ZNF34: variants seen among roughly 807,000 people sequenced by gnomAD.
ZNF34 encodes zinc finger protein 34 (KOX 32).
Under a neutral mutation model 14.4 loss-of-function variants are expected in ZNF34, and 8 were observed. That is an observed-to-expected ratio of 0.55 (90% CI 0.33 to 1.00). ZNF34 has a LOEUF of 1.00. Ranked by LOEUF, ZNF34 falls within the 50% of genes least tolerant of loss-of-function variation. The probability of loss-of-function intolerance (pLI) is 0.03; values close to 1 mark genes in which losing one functional copy is unlikely to be tolerated. For missense variants in ZNF34, 538 were observed against 674.2 expected (o/e 0.80, Z 2.24); for synonymous variants, 235 against 247.9 (o/e 0.95, Z 0.49).
chr8:144,773,181 A>C lies in ZNF34; in HGVS notation c.*85T>G, dbSNP rs1825265325. ...TTCACTCTGTGAAAACATCGTGTGG[A>C]TAATACATAAAGGGCAGAGTCAGGT... On this transcript the variant is annotated 3_prime_UTR_variant, in exon 6 of 6. Coordinates refer to ENST00000429371, the MANE Select transcript of ZNF34 (RefSeq NM_001286769.2). This position sits in a 1 kb window ranked among gnomAD's most constrained non-coding sequence, Gnocchi z 5.4. The C allele has an allele frequency of 7.2e-7, 1 of 1,388,850 alleles. No homozygotes were observed. The highest frequency in any genetic ancestry group is 2.6e-5 in the Admixed American group (1 of 37,964). The allele number at this position is 1,388,850 out of a possible 1,614,324, so 86.0% of individuals were successfully genotyped here.
chr8:144,773,290 G>A lies in ZNF34; in HGVS notation c.1596C>T (p.His532=), dbSNP rs1230979569. 6.2e-7 allele frequency: 1 copy of A among 1,610,570 alleles called. No individual in the cohort carries two copies. The highest frequency in any genetic ancestry group is 1.6e-4 in the Middle Eastern group (1 of 6,072). The part of the protein sequence containing the change: ...SSNMCQHQRI[H]LREDFSM The stretch of plus-strand genomic sequence containing the variant: ...GTTACATGGAGAAGTCCTCCCGGAG[G>A]TGAATCCGCTGATGCTGACACATGT... The change falls in exon 6 of 6, where the codon CAC becomes CAT. Residue 532 remains histidine (H), a synonymous_variant. Transcript: ENST00000429371. The surrounding 1 kb of genome is among the most constrained non-coding windows in gnomAD (Gnocchi z 5.4).
Position 144,774,231 on chromosome 8 carries a change from CTTT to C in ZNF34, c.652_654del (p.Lys218del), listed in dbSNP as rs3830702. The stretch of plus-strand genomic sequence containing the variant: ...TTCCCAGTAGGAATTTTCTGATCTT[CTTT>C]AACAACTAAGTTTGCACTGAAGATT... On this transcript the variant is annotated inframe_deletion, in exon 6 of 6. Transcript: ENST00000429371. 159,141 of 1,613,816 alleles carry C rather than the reference CTTT, an allele frequency of 0.099. 11,348 individuals are homozygous for C. The highest frequency in any genetic ancestry group is 0.42 in the East Asian group (18,823 of 44,864).
At chr8:144,782,719 C>A (rs1030626450) in intron 1 of ZNF34, among the ~76,000 whole-genome samples, 15 of 150,992 alleles carry the variant, frequency 9.9e-5, no homozygotes, top group African/African-American at 3.4e-4. Context: ...TGCCTGTAGT[C>A]CCAGCTACTT....
Position 144,774,509 on chromosome 8 carries a change from T to G in ZNF34, c.377A>C (p.His126Pro), listed in dbSNP as rs1289967490. 1 of 1,614,008 alleles carries G rather than the reference T, an allele frequency of 6.2e-7. No homozygotes were observed. Among genetic ancestry groups the G allele is most frequent in the Non-Finnish European group, 8.5e-7 (1 of 1,179,894 alleles). Residue 126 changes from histidine (H) to proline (P), a missense_variant, in exon 6 of 6, where the codon CAC becomes CCC. Coordinates refer to ENST00000429371, the MANE Select transcript of ZNF34 (RefSeq NM_001286769.2). ...QGSEPVEACD[H>P]ISKSEGSLEK... Reference sequence around the variant, plus strand: ...CAGGCTCCCCTCTGACTTACTGATGTGGTCACAGGCTTCTACTGGCTCAGA... The same window carrying G: ...CAGGCTCCCCTCTGACTTACTGATGGGGTCACAGGCTTCTACTGGCTCAGA...
Position 144,774,383 on chromosome 8 carries a change from A to T in ZNF34, c.503T>A (p.Val168Asp). 1 of 1,613,512 alleles carries T rather than the reference A, an allele frequency of 6.2e-7. No homozygotes were observed. The change falls in exon 6 of 6, where the codon GTT becomes GAT. Residue 168 changes from valine to aspartate, a missense_variant. Coordinates refer to ENST00000429371, the MANE Select transcript of ZNF34 (RefSeq NM_001286769.2). Reference sequence around the variant, plus strand: ...ACATTTGTGAGGTCTCTGATCAGGAACAGGTCTTGACAGCAACCTGAGGTT... The same window carrying T: ...ACATTTGTGAGGTCTCTGATCAGGATCAGGTCTTGACAGCAACCTGAGGTT... ...GGNLRLLSRP[V>D]PDQRPHKCDI...
At position 144,773,081 on chromosome 8, in the gene ZNF34, T is replaced by C; in HGVS notation, c.*185A>G. 1.3e-5 allele frequency: 8 copies of C among 631,232 alleles called. No individual in the cohort carries two copies. The highest frequency in any genetic ancestry group is 2.0e-5 in the Non-Finnish European group (8 of 407,902). 39.1% of individuals were successfully genotyped at this position (631,232 alleles called of 1,614,324 possible). On this transcript the variant is annotated 3_prime_UTR_variant, in exon 6 of 6. Transcript: ENST00000429371. This position sits in a 1 kb window ranked among gnomAD's most constrained non-coding sequence, Gnocchi z 5.4. Reference sequence around the variant, plus strand: ...GAAGCTTCTTTTTTGCCCACTTTTCTGTCTCAATTTCTCTAAAATGAACAT... The same window carrying C: ...GAAGCTTCTTTTTTGCCCACTTTTCCGTCTCAATTTCTCTAAAATGAACAT...
At position 144,773,431 on chromosome 8, in the gene ZNF34, G is replaced by A. The variant is rs768165741; in HGVS notation, c.1455C>T (p.Ser485=). ...TCTGGCTGAAGGCTTTCTTGCAATC[G>A]CTGCATCTGTAGGGTTTCTCTCCGT... ...LHHGEKPYRC[S]DCKKAFSQST... is the part of the protein sequence containing the mutation. Residue 485 remains serine, a synonymous_variant, in exon 6 of 6, where the codon AGC becomes AGT. Coordinates refer to ENST00000429371, the MANE Select transcript of ZNF34 (RefSeq NM_001286769.2). This position sits in a 1 kb window ranked among gnomAD's most constrained non-coding sequence, Gnocchi z 5.4. 13 of 1,612,516 alleles carry A rather than the reference G, an allele frequency of 8.1e-6. No individual in the cohort carries two copies. Among genetic ancestry groups the A allele is most frequent in the East Asian group, 2.2e-5 (1 of 44,818 alleles).
rs200105852 is a variant in ZNF34, at chr8:144,773,769, T to C, written c.1117A>G (p.Lys373Glu). 1 of 1,614,136 alleles carries C rather than the reference T, an allele frequency of 6.2e-7. No homozygotes were observed. The highest frequency in any genetic ancestry group is 2.2e-5 in the East Asian group (1 of 44,888). The change falls in exon 6 of 6, where the codon AAG (lysine) becomes GAG (glutamate). Residue 373 changes from lysine (K) to glutamate (E), a missense_variant. Transcript: ENST00000429371. The surrounding 1 kb of genome is among the most constrained non-coding windows in gnomAD (Gnocchi z 5.4). ...THTGEKPFEC[K>E]ECGKGFTQSS... ...TGTGTAAAGCCTTTGCCACATTCCTTGCACTCAAATGGCTTCTCTCCGGTG... is the reference window on the plus strand; with the variant it reads ...TGTGTAAAGCCTTTGCCACATTCCTCGCACTCAAATGGCTTCTCTCCGGTG...
At chr8:144,785,998 T>C (rs1306303670) in intron 1 of ZNF34, among the ~76,000 whole-genome samples, 2 of 148,512 alleles carry the variant, frequency 1.3e-5, no homozygotes, top group African/African-American at 2.5e-5. Flanking sequence ...TTTTTTTTTT[T>C]TTTTGAGACG....
rs928849859 is a variant in ZNF34 at position 144,774,907 on chromosome 8, C to T, written c.281-302G>A. On this transcript the variant is annotated intron_variant, in intron 5 of 5. Coordinates refer to ENST00000429371, the MANE Select transcript of ZNF34 (RefSeq NM_001286769.2). ...CCCAAGTGGGGTCCTGCCACATGGC[C>T]GCTCAGAGACTGATACCAGCAGCCA... 5.8e-4 allele frequency among the ~76,000 whole-genome samples: 88 copies of T among 152,296 alleles called. 1 individual carries two copies. Among genetic ancestry groups the T allele is most frequent in the Non-Finnish European group, 8.8e-5 (6 of 68,026 alleles).
rs1192859339 is a variant in ZNF34, at chr8:144,774,529, C to T, written c.357G>A (p.Glu119=). The T allele has an allele frequency of 1.7e-5, 28 of 1,613,986 alleles. No individual in the cohort carries two copies. Among genetic ancestry groups the T allele is most frequent in the Non-Finnish European group, 2.3e-5 (27 of 1,179,900 alleles). ...TGATGTGGTCACAGGCTTCTACTGG[C>T]TCAGATCCCTGGGGATCTTCCTCAC... is the stretch of plus-strand genomic sequence containing the variant. ...TFGEEDPQGS[E]PVEACDHISK... Residue 119 remains glutamate, a synonymous_variant, in exon 6 of 6, where the codon GAG becomes GAA. Coordinates refer to ENST00000429371, the MANE Select transcript of ZNF34 (RefSeq NM_001286769.2).
intron 2 of ZNF34, among the ~76,000 whole-genome samples, chr8:144,778,779 C>A (rs554957264): frequency 6.6e-6 from 1 of 151,918 alleles, no homozygotes; most frequent in Non-Finnish European, 1.5e-5. Context: ...GTTGCCCAGG[C>A]TAGAGGACAG....
rs560117814 is a variant in ZNF34, at chr8:144,780,548, G to C, written c.-107-268C>G. On this transcript the variant is annotated intron_variant, in intron 1 of 5. Transcript: ENST00000429371. The stretch of plus-strand genomic sequence containing the variant: ...CACGCCTGCAATCCCAGCACTTTGG[G>C]AGGCTGAGGCGGGTGGATCACCTGA... Among the ~76,000 whole-genome samples the C allele has an allele frequency of 2.0e-5, 3 of 152,340 alleles. 1 individual carries two copies. The South Asian group carries it at 6.2e-4, about 32-fold the overall frequency.
rs1413733311 is a variant in ZNF34 at position 144,777,013 on chromosome 8, TAGTGAGATTCAGGGTGATG to T, written c.280+426_280+444del. Among the ~76,000 whole-genome samples the T allele has an allele frequency of 1.3e-5, 2 of 151,840 alleles. No individual in the cohort carries two copies. The highest frequency in any genetic ancestry group is 2.9e-5 in the Non-Finnish European group (2 of 68,012). ...ATACTACAACACAACTATGTCTGGG[TAGTGAGATTCAGGGTGATG>T]TGTAGTCTCTCACTTTTCCGCAGTG... On this transcript the variant is annotated intron_variant, in intron 5 of 5. Transcript: ENST00000429371. This position sits in a 1 kb window ranked among gnomAD's most constrained non-coding sequence, Gnocchi z 4.8.
At chr8:144,775,079 C>T (rs372164892) in intron 5 of ZNF34, among the ~76,000 whole-genome samples, 160 of 152,340 alleles carry the variant, frequency 1.1e-3, no homozygotes, top group African/African-American at 3.6e-3. Flanking sequence ...ACAGACTGAC[C>T]ATGAAGCACT....
chr8:144,784,166 A>C (rs1272852250), intron 1 of ZNF34, among the ~76,000 whole-genome samples: 1 of 151,810 alleles, frequency 6.6e-6, no homozygotes, highest in Non-Finnish European at 1.5e-5. Context: ...TCTCCAGAAA[A>C]AAAAAAAAAA....
At position 144,773,926 on chromosome 8, in the gene ZNF34, C is replaced by T. The variant is rs1176734563; in HGVS notation, c.960G>A (p.Gly320=). 6.2e-6 allele frequency: 10 copies of T among 1,613,948 alleles called. No individual in the cohort carries two copies. The highest frequency in any genetic ancestry group is 1.6e-4 in the Middle Eastern group (1 of 6,084). Residue 320 remains glycine, a synonymous_variant, in exon 6 of 6, where the codon GGG becomes GGA. Transcript: ENST00000429371. The surrounding 1 kb of genome is among the most constrained non-coding windows in gnomAD (Gnocchi z 5.4). ...GEKPYKCGEC[G]KHFSAYSSLI... is the part of the protein sequence containing the mutation. ...GGGAAGAGTAGGCGCTAAAGTGCTT[C>T]CCACACTCCCCACACTTGTAGGGTT...
chr8:144,775,945 G>T (rs977437500), intron 5 of ZNF34, among the ~76,000 whole-genome samples: 1 of 152,218 alleles, frequency 6.6e-6, no homozygotes, highest in Non-Finnish European at 1.5e-5. Flanking sequence ...CACTTGCACT[G>T]AAGACATGAC....
At position 144,774,539 on chromosome 8, in the gene ZNF34, T is replaced by C. The variant is rs770975536; in HGVS notation, c.347A>G (p.Gln116Arg). ...SQETFGEEDP[Q>R]GSEPVEACDH... ...ACAGGCTTCTACTGGCTCAGATCCC[T>C]GGGGATCTTCCTCACCAAATGTCTC... is the stretch of plus-strand genomic sequence containing the variant. Residue 116 changes from glutamine (Q) to arginine (R), a missense_variant, in exon 6 of 6, where the codon CAG becomes CGG. Transcript: ENST00000429371. 107 of 1,613,950 alleles carry C rather than the reference T, an allele frequency of 6.6e-5. 3 individuals carry two copies. The South Asian group carries it at 1.2e-3, about 18-fold the overall frequency.
Sources: allele counts gnomAD v4.1 joint callset (sites outside exome capture counted in the v4.1 genomes callset), GRCh38; gene constraint gnomAD v4.1.1; non-coding constraint Gnocchi (gnomAD v3.1); transcripts MANE v1.5; gene names NCBI Gene and HGNC (gene_info 2026-07-23, HGNC 2026-07-21).